The following PHKB variants were observed in gnomAD, a reference collection of about 807,000 sequenced individuals.
The protein encoded by PHKB is phosphorylase b kinase regulatory subunit beta.
A neutral mutation model predicts 152.1 loss-of-function variants in PHKB; 122 were observed. That is an observed-to-expected ratio of 0.80 (90% CI 0.69 to 0.93). The LOEUF (loss-of-function observed/expected upper bound fraction) is 0.93, where lower values mean the gene tolerates loss of function less well. Ranked by LOEUF, PHKB falls within the 40% of genes least tolerant of loss-of-function variation. The probability of loss-of-function intolerance (pLI) is 0.00; values close to 1 mark genes in which losing one functional copy is unlikely to be tolerated. For missense variants in PHKB, 1,304 were observed against 1,328.4 expected (o/e 0.98, Z 0.29); for synonymous variants, 436 against 464.9 (o/e 0.94, Z 0.80).
At chr16:47,506,128 C>T (rs1439647550) in intron 4 of PHKB, among the ~76,000 whole-genome samples, 1 of 148,776 alleles carries the variant, frequency 6.7e-6, no homozygotes, top group Non-Finnish European at 1.5e-5. Context: ...CTGAGGCAGG[C>T]AGGTAATGAG....
At chr16:47,497,296 A>C (rs1304884798) in intron 1 of PHKB, 103 bp from the exon 2 acceptor site, 1 of 737,364 alleles carries the variant, frequency 1.4e-6, no homozygotes, top group African/African-American at 1.7e-5. Context: ...ACATAAAATA[A>C]TGGAAGTTAG....
At chr16:47,646,939 T>A (rs943918172) in intron 16 of PHKB, among the ~76,000 whole-genome samples, 9 of 152,118 alleles carry the variant, frequency 5.9e-5, no homozygotes, top group Non-Finnish European at 1.2e-4. Flanking sequence ...GTAAAGGGGC[T>A]TCTTGATTAG....
intron 14 of PHKB, among the ~76,000 whole-genome samples, chr16:47,628,870 A>G (rs1021663190): frequency 1.3e-5 from 2 of 151,986 alleles, no homozygotes; most frequent in South Asian, 2.1e-4. Flanking sequence ...ATAATGCCGC[A>G]TATCTACAAC....
At chr16:47,605,318 A>G (rs148766159) in intron 13 of PHKB, among the ~76,000 whole-genome samples, 62 of 152,328 alleles carry the variant, frequency 4.1e-4, no homozygotes, top group African/African-American at 1.5e-3. Flanking sequence ...ATCAAGCTAG[A>G]TGAAGTGTGG....
intron 1 of PHKB, chr16:47,464,132 T>G: frequency 1.4e-6 from 1 of 690,998 alleles, no homozygotes; most frequent in Non-Finnish European, 2.6e-6. Flanking sequence ...GCTGGTGTTT[T>G]GTTTAACTTT....
intron 1 of PHKB, among the ~76,000 whole-genome samples, chr16:47,480,821 A>C (rs1192806246): frequency 2.0e-5 from 3 of 152,206 alleles, no homozygotes; most frequent in Admixed American, 6.5e-5. Context: ...TACATAAAAA[A>C]CTAATAGTCC....
chr16:47,595,208 T>C (rs1335212784), intron 12 of PHKB, among the ~76,000 whole-genome samples: 1 of 152,202 alleles, frequency 6.6e-6, no homozygotes, highest in Admixed American at 6.5e-5. Flanking sequence ...GATGTAGTAG[T>C]TTAATGTACC....
At chr16:47,611,287 G>A (rs1010714426) in intron 14 of PHKB, among the ~76,000 whole-genome samples, 3 of 152,168 alleles carry the variant, frequency 2.0e-5, no homozygotes, top group African/African-American at 7.2e-5. Flanking sequence ...CTCTTGACAG[G>A]GCTGCGTGAC....
At chr16:47,647,100 T>C (rs1973142969) in intron 16 of PHKB, among the ~76,000 whole-genome samples, 1 of 151,930 alleles carries the variant, frequency 6.6e-6, no homozygotes, top group Admixed American at 6.6e-5. Flanking sequence ...TCAGTTTTTA[T>C]TTATTTATTT....
rs1216145134 is a variant in PHKB, at chr16:47,589,058, T to C, written c.1024T>C (p.Leu342=). The C allele has an allele frequency of 5.0e-6, 8 of 1,613,634 alleles. No individual in the cohort carries two copies. The highest frequency in any genetic ancestry group is 2.7e-5 in the African/African-American group (2 of 75,030). Residue 342 remains leucine (L), a synonymous_variant, in exon 10 of 31, where the codon TTG becomes CTG. Transcript: ENST00000323584. ...CTTGAGAGATGGGTATAGAACATCA[T>C]TGGAAGATCCCAACAGATGCTACTA... ...RFLRDGYRTS[L]EDPNRCYYKP... is the part of the protein sequence containing the mutation.
chr16:47,551,896 C>T (rs780362756), intron 7 of PHKB, among the ~76,000 whole-genome samples: 12 of 152,096 alleles, frequency 7.9e-5, no homozygotes, highest in Non-Finnish European at 1.6e-4. Flanking sequence ...TCTGGGTGCT[C>T]CTGTATTGGG....
chr16:47,625,815 A>G (rs554068989), intron 14 of PHKB, among the ~76,000 whole-genome samples: 4 of 152,310 alleles, frequency 2.6e-5, no homozygotes, highest in Admixed American at 1.3e-4. Context: ...AATTGAATCA[A>G]TTCATTAATG....
chr16:47,503,823 G>A (rs1365238388), intron 4 of PHKB, among the ~76,000 whole-genome samples: 2 of 151,872 alleles, frequency 1.3e-5, no homozygotes, highest in Non-Finnish European at 2.9e-5. Flanking sequence ...GCAAGTCTCT[G>A]TCTCAAAAAA....
chr16:47,646,605 C>T (rs928699509), intron 16 of PHKB, among the ~76,000 whole-genome samples: 1 of 111,474 alleles, frequency 9.0e-6, no homozygotes, highest in African/African-American at 3.4e-5. Context: ...ACAGAACATA[C>T]AAAGAGTCAT....
In PHKB at chr16:47,547,472, G is replaced by A; in HGVS notation, c.634G>A (p.Val212Ile). Residue 212 changes from valine to isoleucine, a missense_variant, in exon 7 of 31, where the codon GTT becomes ATT. Transcript: ENST00000323584. ...IQNLVFCVER[V>I]YRVPDFGVWE... ...AAACCTTGTATTTTGTGTGGAAAGAGTTTACCGTGTGCCTGACTTTGGTGT... is the reference window on the plus strand; with the variant it reads ...AAACCTTGTATTTTGTGTGGAAAGAATTTACCGTGTGCCTGACTTTGGTGT... 1 of 1,612,542 alleles carries A rather than the reference G, an allele frequency of 6.2e-7. No individual in the cohort carries two copies. The highest frequency in any genetic ancestry group is 8.5e-7 in the Non-Finnish European group (1 of 1,178,714).
At chr16:47,541,184 C>T (rs13331664) in intron 6 of PHKB, among the ~76,000 whole-genome samples, 2,360 of 152,114 alleles carry the variant, frequency 0.016, 61 homozygotes, top group African/African-American at 0.053. Context: ...GTGTGATGTT[C>T]CCCACCCTGT....
intron 7 of PHKB, among the ~76,000 whole-genome samples, chr16:47,555,850 A>G (rs953684441): frequency 6.6e-6 from 1 of 152,230 alleles, no homozygotes; most frequent in Non-Finnish European, 1.5e-5. Flanking sequence ...CATTGAATCT[A>G]TAAATTACCA....
At chr16:47,478,692 C>T (rs1251793546) in intron 1 of PHKB, among the ~76,000 whole-genome samples, 2 of 151,850 alleles carry the variant, frequency 1.3e-5, no homozygotes, top group African/African-American at 2.4e-5. Flanking sequence ...CAGTACTTTG[C>T]GTGTGGTAAA....
intron 13 of PHKB, 57 bp downstream of exon 13, chr16:47,596,588 T>C (rs1462959173): frequency 2.7e-6 from 4 of 1,498,986 alleles, no homozygotes; most frequent in Non-Finnish European, 3.7e-6. Context: ...CTATTAGAAA[T>C]AAATATGCCT....
Sources: allele counts gnomAD v4.1 joint callset (sites outside exome capture counted in the v4.1 genomes callset), GRCh38; gene constraint gnomAD v4.1.1; transcripts MANE v1.5; gene names NCBI Gene and HGNC (gene_info 2026-07-23, HGNC 2026-07-21).